Variants in ANO4 observed in about 807,000 individuals in gnomAD.
The protein encoded by ANO4 is anoctamin-4.
ANO4 carries 69 observed loss-of-function variants against 141.9 expected under a neutral mutation model. The ratio of observed to expected loss-of-function variants is 0.49; its 90% CI spans 0.40 to 0.59. The LOEUF (loss-of-function observed/expected upper bound fraction) is 0.59, where lower values mean the gene tolerates loss of function less well. Ranked by LOEUF, ANO4 falls within the 20% of genes least tolerant of loss-of-function variation. ANO4 has a pLI of 0.00. For synonymous variants in ANO4, 350 were observed against 394.3 expected, an observed-to-expected ratio of 0.89 and a Z score of 1.33; for missense variants, 894 against 1,162.2, an observed-to-expected ratio of 0.77 and a Z score of 3.36.
intron 8 of ANO4, among the ~76,000 whole-genome samples, chr12:100,995,854 A>G (rs961786280): frequency 6.6e-6 from 1 of 152,242 alleles, no homozygotes; most frequent in Admixed American, 6.5e-5. Context: ...TTGTGAGACC[A>G]AAGAGAACAG....
intron 5 of ANO4, among the ~76,000 whole-genome samples, chr12:100,955,453 A>G (rs1183103602): frequency 6.6e-6 from 1 of 152,222 alleles, no homozygotes; most frequent in South Asian, 2.1e-4. Context: ...TAGGAGAACA[A>G]GGTAAAAGTG....
At chr12:100,934,366 G>A (rs1049253422) in intron 3 of ANO4, among the ~76,000 whole-genome samples, 7 of 152,028 alleles carry the variant, frequency 4.6e-5, no homozygotes, top group East Asian at 1.9e-4. Context: ...TCCTTTCTGC[G>A]TTTCTTGTTT....
At chr12:100,750,461 A>T (rs1206911822) in intron 3 of ANO4, among the ~76,000 whole-genome samples, 1 of 152,002 alleles carries the variant, frequency 6.6e-6, no homozygotes, top group Non-Finnish European at 1.5e-5. Flanking sequence ...TGCATTTCTA[A>T]CAAGCTTCCA....
intron 8 of ANO4, among the ~76,000 whole-genome samples, chr12:100,994,906 G>T (rs1247564601): frequency 6.6e-6 from 1 of 152,066 alleles, no homozygotes; most frequent in Admixed American, 6.6e-5. Flanking sequence ...AAAATTTTTG[G>T]TTGTCACAAG....
chr12:100,867,599 GTCTCTC>G (rs935411306), intron 1 of ANO4, among the ~76,000 whole-genome samples: 1 of 105,066 alleles, frequency 9.5e-6, no homozygotes, highest in Non-Finnish European at 2.0e-5. Flanking sequence ...CTCTCTCTCT[GTCTCTC>G]TCTCTCTCAC....
At chr12:100,756,415 T>C (rs1392079371) in intron 3 of ANO4, among the ~76,000 whole-genome samples, 1 of 152,178 alleles carries the variant, frequency 6.6e-6, no homozygotes, top group Admixed American at 6.5e-5. Context: ...AGTGGTATGA[T>C]CTCGGCTCAC....
intron 3 of ANO4, among the ~76,000 whole-genome samples, chr12:100,761,685 A>G (rs919605978): frequency 5.9e-5 from 9 of 152,232 alleles, no homozygotes; most frequent in African/African-American, 1.9e-4. Context: ...CTGTTTAGGC[A>G]CAGTGAGCCA....
At chr12:100,884,941 C>T (rs554157914) in intron 1 of ANO4, among the ~76,000 whole-genome samples, 64 of 152,284 alleles carry the variant, frequency 4.2e-4, no homozygotes, top group Non-Finnish European at 4.4e-4. Context: ...GTGATCCGCC[C>T]GCCTTGGCCT....
At chr12:100,840,280 C>G (rs929075917) in intron 1 of ANO4, among the ~76,000 whole-genome samples, 2 of 152,136 alleles carry the variant, frequency 1.3e-5, no homozygotes, top group African/African-American at 4.8e-5. Context: ...ACAGCTTGCA[C>G]TACTAGATTG....
chr12:101,049,834 G>A (rs914614839), intron 14 of ANO4, among the ~76,000 whole-genome samples: 1 of 152,120 alleles, frequency 6.6e-6, no homozygotes, highest in Non-Finnish European at 1.5e-5. Flanking sequence ...GTCCCTCTCA[G>A]CCAGTAAGCA....
At chr12:100,855,786 A>T (rs1009383755) in intron 1 of ANO4, among the ~76,000 whole-genome samples, 1 of 152,190 alleles carries the variant, frequency 6.6e-6, no homozygotes, top group African/African-American at 2.4e-5. Context: ...ACCGACATAA[A>T]TTTAATACCT....
rs182705130 is a variant in ANO4 at position 101,071,665 on chromosome 12, A to C, written c.1313-7528A>C. Reference sequence around the variant, plus strand: ...GGGGACTATAGTCAATAATAATTTAATTGTACTTTTTAAAATAACTAAAAT... The same window carrying C: ...GGGGACTATAGTCAATAATAATTTACTTGTACTTTTTAAAATAACTAAAAT... On this transcript the variant is annotated intron_variant, in intron 14 of 27. Coordinates refer to ENST00000392977, the MANE Select transcript of ANO4 (RefSeq NM_001286615.2). Among the ~76,000 whole-genome samples, 568 of 152,258 alleles carry C rather than the reference A, an allele frequency of 3.7e-3. 9 individuals carry two copies. The highest frequency in any genetic ancestry group is 0.013 in the African/African-American group (537 of 41,564).
At chr12:101,114,492 A>G (rs577332438) in intron 24 of ANO4, among the ~76,000 whole-genome samples, 4 of 152,304 alleles carry the variant, frequency 2.6e-5, no homozygotes, top group African/African-American at 9.6e-5. Flanking sequence ...ACTGTCATTC[A>G]TGCATTAGGT....
intron 8 of ANO4, among the ~76,000 whole-genome samples, chr12:100,990,821 G>A (rs2045061353): frequency 6.6e-6 from 1 of 152,172 alleles, no homozygotes. Context: ...TGGATAAGGG[G>A]CGAAAGGCAT....
rs190425339 is a variant in ANO4, at chr12:101,078,181, A to G, written c.1313-1012A>G. Reference sequence around the variant, plus strand: ...TACATAATTTACTTTCCTTCATGAAATGGATTCCTAATATATATTTATTGT... The same window carrying G: ...TACATAATTTACTTTCCTTCATGAAGTGGATTCCTAATATATATTTATTGT... On this transcript the variant is annotated intron_variant, in intron 14 of 27. Transcript: ENST00000392977. Among the ~76,000 whole-genome samples, 64 of 152,294 alleles carry G rather than the reference A, an allele frequency of 4.2e-4. No individual in the cohort carries two copies. The East Asian group carries it at 0.011, about 27-fold the overall frequency.
chr12:101,013,207 T>C (rs749656104), intron 8 of ANO4, among the ~76,000 whole-genome samples: 15 of 151,904 alleles, frequency 9.9e-5, no homozygotes, highest in Non-Finnish European at 2.1e-4. Flanking sequence ...TTGGTTTGAG[T>C]TTTTTCTTAG....
chr12:100,797,814 A>G (rs920764090), intron 1 of ANO4, among the ~76,000 whole-genome samples: 1 of 151,024 alleles, frequency 6.6e-6, no homozygotes, highest in Non-Finnish European at 1.5e-5. Context: ...TTGCCATTTT[A>G]TATATGTGAA....
chr12:101,044,254 C>G (rs1273598539), intron 13 of ANO4, among the ~76,000 whole-genome samples: 1 of 152,156 alleles, frequency 6.6e-6, no homozygotes, highest in Non-Finnish European at 1.5e-5. Context: ...TATGTGTCCT[C>G]TCTGTCCTAC....
chr12:100,949,567 C>T (rs1390151998), intron 5 of ANO4, among the ~76,000 whole-genome samples: 1 of 152,156 alleles, frequency 6.6e-6, no homozygotes, highest in Non-Finnish European at 1.5e-5. Context: ...CGGCTAAATA[C>T]AACGTGTTAA....
Sources: gnomAD v4.1 joint callset for allele counts (sites outside exome capture counted in the v4.1 genomes callset) on GRCh38, gnomAD v4.1.1 for gene constraint, MANE v1.5 for transcripts, NCBI Gene and HGNC (gene_info 2026-07-23, HGNC 2026-07-21) for gene names.